The following MAEA variants were observed in gnomAD, a reference collection of about 807,000 sequenced individuals.
The protein encoded by MAEA is macrophage erythroblast attacher, E3 ubiquitin ligase, also known as E3 ubiquitin-protein transferase MAEA.
MAEA carries 22 observed loss-of-function variants against 46.2 expected under a neutral mutation model. The observed-to-expected ratio is 0.48, with a 90% CI of 0.34 to 0.68. The LOEUF is 0.68. MAEA is among the 30% of genes least tolerant of loss of function. The pLI is 0.01. For missense variants in MAEA, 393 were observed against 558.1 expected, an observed-to-expected ratio of 0.70 and a Z score of 2.98; for synonymous variants, 246 against 222.6, an observed-to-expected ratio of 1.11 and a Z score of -0.94.
chr4:1,338,123 T>C, intron 7 of MAEA: 1 of 382,390 alleles, frequency 2.6e-6, no homozygotes, highest in Non-Finnish European at 4.8e-6. Context: ...TTGTCCTGCC[T>C]GGAGAGGTTG....
At chr4:1,318,592 C>T (rs1577191931) in intron 3 of MAEA, among the ~76,000 whole-genome samples, 1 of 152,260 alleles carries the variant, frequency 6.6e-6, no homozygotes, top group East Asian at 1.9e-4. Flanking sequence ...GGGGTTCTTT[C>T]TGCTGAGATG....
intron 5 of MAEA, chr4:1,332,071 T>G (rs767929535): frequency 6.6e-6 from 1 of 152,586 alleles, no homozygotes; most frequent in Non-Finnish European, 1.5e-5. Context: ...CAGCAAGGAC[T>G]GCAGTTGAGA....
chr4:1,332,666 T>G (rs967448436), intron 5 of MAEA, 91 bp from the exon 6 acceptor site: 1 of 928,544 alleles, frequency 1.1e-6, no homozygotes, highest in Non-Finnish European at 1.7e-6. Context: ...ACTGTGCCAC[T>G]GCACTGCAGC....
chr4:1,332,910 T>A (rs1365402890), intron 6 of MAEA, 45 bp downstream of exon 6: 1 of 1,473,566 alleles, frequency 6.8e-7, no homozygotes, highest in Non-Finnish European at 9.4e-7. Flanking sequence ...GGGGTGGGGA[T>A]CCAGGGTGTG....
intron 5 of MAEA, chr4:1,329,551 A>G (rs1389973462): frequency 1.0e-6 from 1 of 983,416 alleles, no homozygotes; most frequent in South Asian, 4.7e-5. Flanking sequence ...ACAACACCCC[A>G]GTGTCTCGGG....
rs773549747 is a variant in MAEA, at chr4:1,289,981, A to G, written c.68A>G (p.Lys23Arg). The G allele has an allele frequency of 1.9e-6, 3 of 1,589,100 alleles. No homozygotes were observed. Residue 23 changes from lysine to arginine, a missense_variant and splice_region_variant, in exon 1 of 9, where the codon AAG (lysine) becomes AGG (arginine). Coordinates refer to ENST00000303400, the MANE Select transcript of MAEA (RefSeq NM_001017405.3). ...AAGGTCCAGGAGTACCCGACCCTCA[A>G]GGTGGGCGCCTGCGCCGCGCAGGCT... ...TLKVQEYPTLKVPYETLNKRF... is the reference protein window; with the variant it reads ...TLKVQEYPTLRVPYETLNKRF...
Position 1,339,312 on chromosome 4 carries a change from AG to A in MAEA, c.*145del, listed in dbSNP as rs1425214530. The A allele has an allele frequency of 3.2e-6, 2 of 624,656 alleles. No homozygotes were observed. Among genetic ancestry groups the A allele is most frequent in the African/African-American group, 3.7e-5 (2 of 54,298 alleles). 38.7% of individuals were successfully genotyped at this position (624,656 alleles called of 1,614,324 possible). A position where few individuals can be genotyped will look rare whatever the true frequency, so the allele number is the denominator to read the frequency against. Reference sequence around the variant, plus strand: ...TCCGTGAGCAACGATAAATACTCTTAGGAAGAGAGAAAATAAGGTTTCATAA... The same window carrying A: ...TCCGTGAGCAACGATAAATACTCTTAGAAGAGAGAAAATAAGGTTTCATAA... On this transcript the variant is annotated 3_prime_UTR_variant, in exon 9 of 9. Coordinates refer to ENST00000303400, the MANE Select transcript of MAEA (RefSeq NM_001017405.3).
At chr4:1,325,931 C>T (rs918593221) in intron 4 of MAEA, among the ~76,000 whole-genome samples, 4 of 152,158 alleles carry the variant, frequency 2.6e-5, no homozygotes, top group South Asian at 2.1e-4. Flanking sequence ...GTGAGTTCTG[C>T]GTCCAGCCTG....
intron 1 of MAEA, among the ~76,000 whole-genome samples, chr4:1,293,961 T>A (rs1309973997): frequency 6.6e-6 from 1 of 152,198 alleles, no homozygotes; most frequent in Admixed American, 6.5e-5. Context: ...TTTGGGAGGA[T>A]CATGTGTTCT....
At chr4:1,309,812 T>A in intron 1 of MAEA, 1 of 1,381,366 alleles carries the variant, frequency 7.2e-7, no homozygotes, top group Non-Finnish European at 9.4e-7. Context: ...AGGGTTCCTG[T>A]CTGCAGCACA....
chr4:1,325,589 G>A (rs950108546), intron 4 of MAEA, among the ~76,000 whole-genome samples: 3 of 152,154 alleles, frequency 2.0e-5, no homozygotes, highest in Non-Finnish European at 4.4e-5. Context: ...GCACCCCCTC[G>A]GCAGCTGCGT....
chr4:1,332,571 G>C, intron 5 of MAEA, 186 bp from the exon 6 acceptor site: 1 of 521,356 alleles, frequency 1.9e-6, no homozygotes, highest in East Asian at 3.5e-5. Context: ...TTTTACATTA[G>C]CTAGGTGTGG....
chr4:1,317,352 GCCCCACACTC>G (rs1737416669), intron 3 of MAEA, among the ~76,000 whole-genome samples: 1 of 127,436 alleles, frequency 7.8e-6, no homozygotes, highest in African/African-American at 3.3e-5. Flanking sequence ...TCATCTGCAG[GCCCCACACTC>G]CGGACTCATC....
chr4:1,317,890 C>T (rs778632404), intron 3 of MAEA, among the ~76,000 whole-genome samples: 23 of 152,202 alleles, frequency 1.5e-4, no homozygotes, highest in Non-Finnish European at 1.8e-4. Context: ...ACATTCTCAT[C>T]GCTGGACGGG....
At chr4:1,290,540 G>T (rs138628833) in intron 1 of MAEA, among the ~76,000 whole-genome samples, 1 of 152,258 alleles carries the variant, frequency 6.6e-6, no homozygotes, top group South Asian at 2.1e-4. Context: ...ACCTAGCCAC[G>T]TCGCACTTCT....
At chr4:1,306,648 G>A (rs1327702124) in intron 1 of MAEA, among the ~76,000 whole-genome samples, 1 of 152,210 alleles carries the variant, frequency 6.6e-6, no homozygotes, top group African/African-American at 2.4e-5. Context: ...CATGGCTCGT[G>A]TTCTTAACTT....
At chr4:1,338,972 G>A in intron 8 of MAEA, 102 bp from the exon 9 acceptor site, 2 of 987,236 alleles carry the variant, frequency 2.0e-6, no homozygotes, top group Non-Finnish European at 3.2e-6. Flanking sequence ...TTGCCTGAGA[G>A]GATGAGTCAT....
intron 6 of MAEA, 30 bp from the exon 7 acceptor site, chr4:1,336,831 C>A (rs1224420425): frequency 6.2e-7 from 1 of 1,606,772 alleles, no homozygotes; most frequent in Non-Finnish European, 8.5e-7. Context: ...CTGGGAGCAT[C>A]CCCAGGACCC....
In MAEA at chr4:1,339,078, T is replaced by A; in HGVS notation, c.1100T>A (p.Leu367Gln). The change falls in exon 9 of 9, where the codon CTG becomes CAG. Residue 367 changes from leucine (L) to glutamine (Q), a missense_variant. Transcript: ENST00000303400. Reference protein sequence around the residue: ...PNGYVYGYNSLLSIRQDDKVV... With the variant: ...PNGYVYGYNSQLSIRQDDKVV... ...ATTCCCGGTTTTATTTTTCAGTCTC[T>A]GCTTTCTATCCGTCAAGATGATAAA... 1 of 1,613,522 alleles carries A rather than the reference T, an allele frequency of 6.2e-7. No individual in the cohort carries two copies. The highest frequency in any genetic ancestry group is 8.5e-7 in the Non-Finnish European group (1 of 1,179,538).
Sources: gnomAD v4.1 joint callset for allele counts (sites outside exome capture counted in the v4.1 genomes callset) on GRCh38, gnomAD v4.1.1 for gene constraint, MANE v1.5 for transcripts, NCBI Gene and HGNC (gene_info 2026-07-23, HGNC 2026-07-21) for gene names.